Variants in TOMM70 observed in about 807,000 individuals in gnomAD.
The protein encoded by TOMM70 is translocase of outer mitochondrial membrane 70.
A neutral mutation model predicts 73.6 loss-of-function variants in TOMM70; 13 were observed. The ratio of observed to expected loss-of-function variants is 0.18; its 90% confidence interval spans 0.11 to 0.28. The LOEUF is 0.28. Among genes scored for constraint, TOMM70 ranks in the 10% least tolerant of loss-of-function variants. The probability of loss-of-function intolerance (pLI) is 1.00; values close to 1 mark genes in which losing one functional copy is unlikely to be tolerated. For synonymous variants in TOMM70, 257 were observed against 271.2 expected (o/e 0.95, Z 0.51); for missense variants, 609 against 747.5 (o/e 0.81, Z 2.16).
intron 1 of TOMM70, among the ~76,000 whole-genome samples, chr3:100,397,832 T>G (rs771974409): frequency 6.6e-6 from 1 of 151,852 alleles, no homozygotes; most frequent in Non-Finnish European, 1.5e-5. Context: ...GAGGTTGCAG[T>G]GAGCCGAGAC....
intron 1 of TOMM70, among the ~76,000 whole-genome samples, chr3:100,391,124 G>C (rs1706755612): frequency 1.3e-5 from 2 of 152,038 alleles, no homozygotes. Context: ...CTGGGCAACA[G>C]AGTAAGACTC....
At chr3:100,381,093 G>A (rs1434396444) in intron 5 of TOMM70, among the ~76,000 whole-genome samples, 1 of 152,116 alleles carries the variant, frequency 6.6e-6, no homozygotes, top group Non-Finnish European at 1.5e-5. Context: ...TAGGTCTCCA[G>A]CTAGAAACAC....
intron 5 of TOMM70, among the ~76,000 whole-genome samples, chr3:100,379,371 C>T (rs1706603632): frequency 6.6e-6 from 1 of 152,128 alleles, no homozygotes; most frequent in Non-Finnish European, 1.5e-5. Context: ...TGCCTGTAAT[C>T]CCAGTAGTAT....
intron 9 of TOMM70, among the ~76,000 whole-genome samples, chr3:100,370,283 A>G (rs750363764): frequency 4.6e-5 from 7 of 152,080 alleles, no homozygotes; most frequent in Non-Finnish European, 8.8e-5. Flanking sequence ...TTCATTTTGT[A>G]TGCAATTCTC....
At chr3:100,389,823 C>A (rs940301266) in intron 1 of TOMM70, among the ~76,000 whole-genome samples, 1 of 152,042 alleles carries the variant, frequency 6.6e-6, no homozygotes, top group Non-Finnish European at 1.5e-5. Flanking sequence ...GGGTGGATTA[C>A]CTCAGGTCAG....
At chr3:100,373,413 C>A (rs904944765) in intron 8 of TOMM70, 125 bp downstream of exon 8, 2 of 681,558 alleles carry the variant, frequency 2.9e-6, no homozygotes, top group Admixed American at 3.5e-5. Flanking sequence ...CACCTTTTTT[C>A]CTCAGTAGTT....
Position 100,363,765 on chromosome 3 carries a change from TG to T in TOMM70, c.*1798del, listed in dbSNP as rs1426935069. On this transcript the variant is annotated 3_prime_UTR_variant, in exon 12 of 12. Coordinates refer to ENST00000284320, the MANE Select transcript of TOMM70 (RefSeq NM_014820.5). ...CAGAGATGTAGAACATTTCTGTATT[TG>T]GGGGTTATCAGAAGGTGCATAATTT... The T allele has an allele frequency of 6.6e-6, 1 of 152,502 alleles. No individual in the cohort carries two copies. The highest frequency in any genetic ancestry group is 1.5e-5 in the Non-Finnish European group (1 of 68,028). The allele number at this position is 152,502 out of a possible 1,614,324, so 9.4% of individuals were successfully genotyped here.
At chr3:100,370,101 C>T (rs1306369295) in intron 9 of TOMM70, among the ~76,000 whole-genome samples, 9 of 152,068 alleles carry the variant, frequency 5.9e-5, no homozygotes, top group Admixed American at 5.2e-4. Flanking sequence ...AAAAATCGCT[C>T]TTAAAAATAT....
At chr3:100,370,695 G>A (rs187899171) in intron 9 of TOMM70, among the ~76,000 whole-genome samples, 501 of 152,132 alleles carry the variant, frequency 3.3e-3, no homozygotes, top group Non-Finnish European at 5.7e-3. Flanking sequence ...CATATATAAA[G>A]TTACATATAC....
intron 4 of TOMM70, among the ~76,000 whole-genome samples, chr3:100,384,202 A>C (rs998339316): frequency 6.6e-6 from 1 of 152,266 alleles, no homozygotes; most frequent in Non-Finnish European, 1.5e-5. Flanking sequence ...TTATAAAAAC[A>C]GGTAGCAGAC....
At chr3:100,386,781 G>A in intron 2 of TOMM70, 24 bp downstream of exon 2, 1 of 1,595,438 alleles carries the variant, frequency 6.3e-7, no homozygotes, top group South Asian at 1.2e-5. Flanking sequence ...AAAAGGAACA[G>A]AAGAAACAAC....
chr3:100,387,321 C>A (rs1334991527), intron 1 of TOMM70, among the ~76,000 whole-genome samples: 2 of 152,056 alleles, frequency 1.3e-5, no homozygotes, highest in African/African-American at 4.8e-5. Context: ...GTGGCACACG[C>A]CTGCAGTCCC....
chr3:100,363,451 A>AGAT lies in TOMM70; in HGVS notation c.*2110_*2112dup, dbSNP rs1235261145. On this transcript the variant is annotated 3_prime_UTR_variant, in exon 12 of 12. Transcript: ENST00000284320. ...CTACCTATCTTTCTATTTAAAGAAT[A>AGAT]GATAGAAGAGCTTGAATGTAATATT... is the stretch of plus-strand genomic sequence containing the variant. The AGAT allele has an allele frequency of 1.3e-5, 2 of 152,630 alleles. No homozygotes were observed. Among genetic ancestry groups the AGAT allele is most frequent in the Non-Finnish European group, 2.9e-5 (2 of 68,040 alleles). The allele number at this position is 152,630 out of a possible 1,614,324, so 9.5% of individuals were successfully genotyped here. A position where few individuals can be genotyped will look rare whatever the true frequency, so the allele number is the denominator to read the frequency against.
intron 4 of TOMM70, 89 bp from the exon 5 acceptor site, chr3:100,381,852 TA>T: frequency 7.7e-7 from 1 of 1,293,408 alleles, no homozygotes; most frequent in Non-Finnish European, 1.0e-6. Flanking sequence ...ATAACTGTCA[TA>T]AAAATTGGAT....
At chr3:100,378,437 T>C (rs1455335064) in intron 5 of TOMM70, among the ~76,000 whole-genome samples, 1 of 152,148 alleles carries the variant, frequency 6.6e-6, no homozygotes, top group African/African-American at 2.4e-5. Flanking sequence ...GGGGATTTTC[T>C]TGAAACCTTG....
At chr3:100,380,182 C>T (rs963927303) in intron 5 of TOMM70, among the ~76,000 whole-genome samples, 1 of 151,968 alleles carries the variant, frequency 6.6e-6, no homozygotes, top group Non-Finnish European at 1.5e-5. Flanking sequence ...TCCGTCTCTA[C>T]TCAAAATACA....
chr3:100,387,231 G>A (rs1482116898), intron 1 of TOMM70, among the ~76,000 whole-genome samples: 1 of 152,134 alleles, frequency 6.6e-6, no homozygotes, highest in East Asian at 1.9e-4. Flanking sequence ...TGGATCACTT[G>A]AGGCCAGGAG....
At chr3:100,389,914 C>T (rs1173494923) in intron 1 of TOMM70, among the ~76,000 whole-genome samples, 1 of 152,060 alleles carries the variant, frequency 6.6e-6, no homozygotes, top group African/African-American at 2.4e-5. Context: ...GTGGCAGGCA[C>T]CTGTAGTCCC....
At chr3:100,368,287 G>T in intron 10 of TOMM70, 121 bp from the exon 11 acceptor site, 1 of 1,184,986 alleles carries the variant, frequency 8.4e-7, no homozygotes, top group Non-Finnish European at 1.1e-6. Context: ...AACTTATAAG[G>T]CAATATATAA....
Sources: allele counts gnomAD v4.1 joint callset (sites outside exome capture counted in the v4.1 genomes callset), GRCh38; gene constraint gnomAD v4.1.1; transcripts MANE v1.5; gene names NCBI Gene and HGNC (gene_info 2026-07-23, HGNC 2026-07-21).